HTR7: variants seen among roughly 807,000 people sequenced by gnomAD.
HTR7 encodes 5-hydroxytryptamine receptor 7.
HTR7 carries 16 observed loss-of-function variants against 34.0 expected under a neutral mutation model. The ratio of observed to expected loss-of-function variants is 0.47; its 90% confidence interval spans 0.32 to 0.71. HTR7 has a LOEUF of 0.71. Among genes scored for constraint, HTR7 ranks in the 30% least tolerant of loss-of-function variants. The pLI, the probability that HTR7 is intolerant of heterozygous loss-of-function variation, is 0.04. For synonymous variants in HTR7, 265 were observed against 260.2 expected (o/e 1.02, Z -0.18); for missense variants, 504 against 625.5 (o/e 0.81, Z 2.07).
At chr10:90,794,051 C>T (rs913718275) in intron 1 of HTR7, among the ~76,000 whole-genome samples, 2 of 152,220 alleles carry the variant, frequency 1.3e-5, no homozygotes, top group Non-Finnish European at 2.9e-5. Context: ...TGTTAATCTC[C>T]TTTGGCAACA....
At chr10:90,834,516 TTCCAG>T (rs1362619006) in intron 1 of HTR7, among the ~76,000 whole-genome samples, 2 of 152,168 alleles carry the variant, frequency 1.3e-5, no homozygotes, top group Non-Finnish European at 2.9e-5. Context: ...AGCTGGGCTG[TTCCAG>T]TCCAGGCAGG....
intron 1 of HTR7, among the ~76,000 whole-genome samples, chr10:90,811,397 C>T (rs1845807249): frequency 6.6e-6 from 1 of 150,862 alleles, no homozygotes; most frequent in African/African-American, 2.4e-5. Context: ...TTTCTGCTCC[C>T]CAGCTCCTTC....
intron 1 of HTR7, among the ~76,000 whole-genome samples, chr10:90,851,604 C>CAAAAAAAAAAAAAAAAAAAAAAAAAAAA (rs34310653): frequency 1.4e-5 from 1 of 69,206 alleles, no homozygotes; most frequent in Non-Finnish European, 2.6e-5. Context: ...GACTCCGTCC[C>CAAAAAAAAAAAAAAAAAAAAAAAAAAAA]AAAAAAAAAA....
intron 1 of HTR7, among the ~76,000 whole-genome samples, chr10:90,755,397 A>G (rs1284005992): frequency 1.3e-5 from 2 of 152,226 alleles, no homozygotes; most frequent in Admixed American, 1.3e-4. Context: ...ATAACATTTT[A>G]TATAATAAAC....
At chr10:90,847,720 T>C (rs146436223) in intron 1 of HTR7, among the ~76,000 whole-genome samples, 3 of 152,296 alleles carry the variant, frequency 2.0e-5, no homozygotes, top group African/African-American at 7.2e-5. Context: ...CCTGTAACCA[T>C]GAACAACCCA....
intron 1 of HTR7, among the ~76,000 whole-genome samples, chr10:90,753,842 G>T (rs1844784387): frequency 6.6e-6 from 1 of 151,858 alleles, no homozygotes; most frequent in Non-Finnish European, 1.5e-5. Flanking sequence ...AAAACACATA[G>T]CTCTTAAAGA....
intron 3 of HTR7, among the ~76,000 whole-genome samples, chr10:90,743,113 T>C (rs1329396136): frequency 1.3e-5 from 2 of 152,048 alleles, no homozygotes; most frequent in African/African-American, 4.8e-5. Flanking sequence ...CCACACTACA[T>C]CATGTGCCTA....
At chr10:90,761,180 C>T (rs1844928486) in intron 1 of HTR7, among the ~76,000 whole-genome samples, 1 of 152,070 alleles carries the variant, frequency 6.6e-6, no homozygotes, top group Non-Finnish European at 1.5e-5. Context: ...TAAAATGATA[C>T]TTACTACATG....
chr10:90,757,999 ACAT>A (rs1251038607), intron 1 of HTR7, among the ~76,000 whole-genome samples: 1 of 152,194 alleles, frequency 6.6e-6, no homozygotes, highest in Non-Finnish European at 1.5e-5. Context: ...TGAGGCCAGA[ACAT>A]CATCAGGGCA....
At chr10:90,841,371 A>G (rs1589478061) in intron 1 of HTR7, among the ~76,000 whole-genome samples, 1 of 152,142 alleles carries the variant, frequency 6.6e-6, no homozygotes, top group South Asian at 2.1e-4. Context: ...AAACAACAAA[A>G]ATTTTTTATC....
intron 1 of HTR7, among the ~76,000 whole-genome samples, chr10:90,784,468 T>G (rs1284637767): frequency 6.6e-6 from 1 of 152,206 alleles, no homozygotes; most frequent in South Asian, 2.1e-4. Flanking sequence ...GGTTTAAATA[T>G]GAACCCTTTT....
chr10:90,788,949 C>G (rs990725098), intron 1 of HTR7, among the ~76,000 whole-genome samples: 8 of 152,242 alleles, frequency 5.3e-5, no homozygotes, highest in Non-Finnish European at 1.0e-4. Context: ...TCAAGTGTCA[C>G]CTCTACTGTA....
At chr10:90,788,086 A>G (rs928408651) in intron 1 of HTR7, among the ~76,000 whole-genome samples, 2 of 152,112 alleles carry the variant, frequency 1.3e-5, no homozygotes, top group Admixed American at 6.6e-5. Flanking sequence ...AGTGGGTGTT[A>G]GCACCATCTA....
At chr10:90,758,063 C>T (rs892686515) in intron 1 of HTR7, among the ~76,000 whole-genome samples, 1 of 152,056 alleles carries the variant, frequency 6.6e-6, no homozygotes, top group South Asian at 2.1e-4. Flanking sequence ...GACAGACACA[C>T]CTGGCCAGGT....
At chr10:90,812,737 C>A (rs7078682) in intron 1 of HTR7, among the ~76,000 whole-genome samples, 41,869 of 151,890 alleles carry the variant, frequency 0.28, 6,306 homozygotes, top group African/African-American at 0.4. Context: ...TACCACCCCC[C>A]AAAAATTTTC....
At chr10:90,849,254 G>A (rs868156652) in intron 1 of HTR7, among the ~76,000 whole-genome samples, 6 of 152,134 alleles carry the variant, frequency 3.9e-5, no homozygotes, top group Admixed American at 6.5e-5. Flanking sequence ...TATTTGCAAC[G>A]TAGTTCACCA....
At chr10:90,847,076 T>C (rs1846422802) in intron 1 of HTR7, among the ~76,000 whole-genome samples, 1 of 152,110 alleles carries the variant, frequency 6.6e-6, no homozygotes, top group South Asian at 2.1e-4. Flanking sequence ...TTTACACACA[T>C]AGATATAAAT....
At chr10:90,793,476 A>G (rs1225817584) in intron 1 of HTR7, among the ~76,000 whole-genome samples, 1 of 144,402 alleles carries the variant, frequency 6.9e-6, no homozygotes, top group Non-Finnish European at 1.5e-5. Flanking sequence ...ATATATATTT[A>G]GTATAGATAG....
chr10:90,775,524 G>A (rs1473912318), intron 1 of HTR7, among the ~76,000 whole-genome samples: 1 of 152,164 alleles, frequency 6.6e-6, no homozygotes, highest in Non-Finnish European at 1.5e-5. Context: ...CACACGCAAG[G>A]GGAAAGGGAA....
Sources: allele counts gnomAD v4.1 joint callset (sites outside exome capture counted in the v4.1 genomes callset), GRCh38; gene constraint gnomAD v4.1.1; transcripts MANE v1.5; gene names NCBI Gene and HGNC (gene_info 2026-07-23, HGNC 2026-07-21).